PSIP1: variants seen among roughly 807,000 people sequenced by gnomAD.
The protein encoded by PSIP1 is PC4 and SFRS1-interacting protein.
Under a neutral mutation model 74.7 loss-of-function variants are expected in PSIP1, and 19 were observed. The ratio of observed to expected loss-of-function variants is 0.25; its 90% CI spans 0.18 to 0.37. PSIP1 has a LOEUF of 0.37. Ranked by LOEUF, PSIP1 falls within the 10% of genes least tolerant of loss-of-function variation. PSIP1 has a pLI of 1.00. For missense variants in PSIP1, 601 were observed against 614.3 expected, an observed-to-expected ratio of 0.98 and a Z score of 0.23; for synonymous variants, 222 against 195.3, an observed-to-expected ratio of 1.14 and a Z score of -1.14.
chr9:15,468,660 G>A lies in PSIP1; in HGVS notation c.1390C>T (p.Pro464Ser), dbSNP rs1330092695. 1 of 1,613,956 alleles carries A rather than the reference G, an allele frequency of 6.2e-7. No homozygotes were observed. The change falls in exon 14 of 16, where the codon CCA becomes TCA. Residue 464 changes from proline (P) to serine (S), a missense_variant. Coordinates refer to ENST00000380733, the MANE Select transcript of PSIP1 (RefSeq NM_033222.5). Reference sequence around the variant, plus strand: ...TGTTCCTTCTCTAGCTTTTTGTTTGGCCCTTTCTTCCCTTGATCTTTGGTT... The same window carrying A: ...TGTTCCTTCTCTAGCTTTTTGTTTGACCCTTTCTTCCCTTGATCTTTGGTT... ...NKTKDQGKKG[P>S]NKKLEKEQTG...
At chr9:15,467,625 CTG>C (rs1190250924) in intron 14 of PSIP1, among the ~76,000 whole-genome samples, 1 of 152,174 alleles carries the variant, frequency 6.6e-6, no homozygotes, top group Non-Finnish European at 1.5e-5. Context: ...TGATCATAAA[CTG>C]AACTGCCAAA....
At chr9:15,493,871 T>C (rs1003953271) in intron 3 of PSIP1, among the ~76,000 whole-genome samples, 14 of 152,142 alleles carry the variant, frequency 9.2e-5, no homozygotes, top group African/African-American at 4.8e-5. Flanking sequence ...CGAGGTGTAA[T>C]TTGGGTGGGG....
intron 3 of PSIP1, among the ~76,000 whole-genome samples, chr9:15,495,278 T>C (rs1356943594): frequency 6.6e-6 from 1 of 150,694 alleles, no homozygotes; most frequent in African/African-American, 2.5e-5. Flanking sequence ...AAGACTGATC[T>C]ACCACAAAGT....
At chr9:15,509,266 A>G (rs1167805478) in intron 2 of PSIP1, among the ~76,000 whole-genome samples, 3 of 152,264 alleles carry the variant, frequency 2.0e-5, no homozygotes, top group Admixed American at 6.5e-5. Flanking sequence ...GAGTTTACCT[A>G]ATCTAATTGA....
intron 6 of PSIP1, 107 bp from the exon 7 acceptor site, chr9:15,479,794 G>T: frequency 4.2e-6 from 3 of 705,988 alleles, no homozygotes; most frequent in Non-Finnish European, 7.0e-6. Context: ...TTCAAGTATA[G>T]ATATAACCTC....
At chr9:15,466,531 C>T (rs2035638695) in intron 15 of PSIP1, among the ~76,000 whole-genome samples, 1 of 152,152 alleles carries the variant, frequency 6.6e-6, no homozygotes, top group Non-Finnish European at 1.5e-5. Flanking sequence ...AACTGGGTTC[C>T]CAGCTAGTTC....
At chr9:15,471,503 A>G (rs756342206) in intron 10 of PSIP1, 3 of 974,816 alleles carry the variant, frequency 3.1e-6, no homozygotes, top group African/African-American at 1.8e-5. Flanking sequence ...AGATCACAAT[A>G]AAGTCAAAAG....
At chr9:15,477,836 G>A (rs1411443190) in intron 8 of PSIP1, among the ~76,000 whole-genome samples, 1 of 151,858 alleles carries the variant, frequency 6.6e-6, no homozygotes, top group Non-Finnish European at 1.5e-5. Flanking sequence ...TATTCTAGAG[G>A]AGATAAAAAA....
At chr9:15,478,855 G>C (rs932393101) in intron 7 of PSIP1, among the ~76,000 whole-genome samples, 1 of 151,786 alleles carries the variant, frequency 6.6e-6, no homozygotes, top group African/African-American at 2.4e-5. Flanking sequence ...TTTTAGAATA[G>C]GAAACAGCAC....
intron 3 of PSIP1, among the ~76,000 whole-genome samples, chr9:15,501,136 C>G (rs748728114): frequency 2.0e-5 from 3 of 151,940 alleles, no homozygotes; most frequent in Non-Finnish European, 4.4e-5. Flanking sequence ...ATATAAGTAA[C>G]CTGCCCAAGG....
At chr9:15,506,316 A>T (rs2037585643) in intron 3 of PSIP1, 2 of 356,586 alleles carry the variant, frequency 5.6e-6, no homozygotes, top group Non-Finnish European at 1.0e-5. Flanking sequence ...TCATCCATCA[A>T]TCATTCTTAT....
intron 6 of PSIP1, 93 bp from the exon 7 acceptor site, chr9:15,479,780 T>C (rs2036256904): frequency 2.3e-6 from 2 of 884,234 alleles, no homozygotes; most frequent in African/African-American, 3.4e-5. Flanking sequence ...ATGGTAACGT[T>C]GAGTTCAAGT....
rs200897012 is a variant in PSIP1, at chr9:15,478,593, C to A, written c.554-41G>T. 6 of 1,271,168 alleles carry A rather than the reference C, an allele frequency of 4.7e-6. No individual in the cohort carries two copies. The African/African-American group carries it at 8.8e-5, about 19-fold the overall frequency. The allele number at this position is 1,271,168 out of a possible 1,614,324, so 78.7% of individuals were successfully genotyped here. A position where few individuals can be genotyped will look rare whatever the true frequency, so the allele number is the denominator to read the frequency against. On this transcript the variant is annotated intron_variant, in intron 7 of 15. Coordinates refer to ENST00000380733, the MANE Select transcript of PSIP1 (RefSeq NM_033222.5). ...AAAAAAAATCAGTAACTACTAGTTTCTATTTAAGATACAAATCTCAGATAT... is the reference window on the plus strand; with the variant it reads ...AAAAAAAATCAGTAACTACTAGTTTATATTTAAGATACAAATCTCAGATAT...
At chr9:15,503,018 T>C (rs1021460659) in intron 3 of PSIP1, among the ~76,000 whole-genome samples, 19 of 152,234 alleles carry the variant, frequency 1.2e-4, no homozygotes, top group African/African-American at 3.9e-4. Context: ...TTTCCAAATA[T>C]ACCTTTCTTC....
intron 4 of PSIP1, among the ~76,000 whole-genome samples, 188 bp from the exon 5 acceptor site, chr9:15,487,119 G>C (rs1054433191): frequency 5.3e-5 from 8 of 150,690 alleles, no homozygotes; most frequent in African/African-American, 1.9e-4. Context: ...TCCTCAGCCT[G>C]AGCCCAGGAG....
At chr9:15,510,054 T>G in intron 2 of PSIP1, 63 bp downstream of exon 2, 1 of 1,449,268 alleles carries the variant, frequency 6.9e-7, no homozygotes, top group African/African-American at 1.4e-5. Flanking sequence ...AGAGACACGG[T>G]GGGCAGCAGG....
chr9:15,465,422 A>G lies in PSIP1; in HGVS notation c.*98T>C, dbSNP rs2035550337. 1.8e-6 allele frequency: 2 copies of G among 1,113,150 alleles called. No homozygotes were observed. The highest frequency in any genetic ancestry group is 2.8e-5 in the South Asian group (2 of 70,738). The allele number at this position is 1,113,150 out of a possible 1,614,324, so 69.0% of individuals were successfully genotyped here. ...CCCTCAAAACAAGTTTTCAACATCAAACCTATGCTTATAAAAATTTAAAAC... is the reference window on the plus strand; with the variant it reads ...CCCTCAAAACAAGTTTTCAACATCAGACCTATGCTTATAAAAATTTAAAAC... On this transcript the variant is annotated 3_prime_UTR_variant, in exon 16 of 16. Coordinates refer to ENST00000380733, the MANE Select transcript of PSIP1 (RefSeq NM_033222.5).
intron 8 of PSIP1, among the ~76,000 whole-genome samples, chr9:15,476,153 A>G (rs1563872847): frequency 2.0e-5 from 3 of 152,160 alleles, no homozygotes; most frequent in Non-Finnish European, 2.9e-5. Context: ...AAGAGTAGTT[A>G]CAGCTCACAC....
intron 3 of PSIP1, among the ~76,000 whole-genome samples, chr9:15,503,158 G>T (rs1563898954): frequency 6.6e-6 from 1 of 152,130 alleles, no homozygotes; most frequent in Non-Finnish European, 1.5e-5. Flanking sequence ...CTTGAGGTCA[G>T]GAGTTTGAGA....
Sources: allele counts gnomAD v4.1 joint callset (sites outside exome capture counted in the v4.1 genomes callset), GRCh38; gene constraint gnomAD v4.1.1; transcripts MANE v1.5; gene names NCBI Gene and HGNC (gene_info 2026-07-23, HGNC 2026-07-21).